The following PTPN13 variants were observed in gnomAD, a reference collection of about 807,000 sequenced individuals.
PTPN13 encodes the protein tyrosine-protein phosphatase non-receptor type 13.
In PTPN13, 191 loss-of-function variants were observed where a neutral mutation model predicts 284.0. The ratio of observed to expected loss-of-function variants is 0.67; its 90% CI spans 0.60 to 0.76. The LOEUF (loss-of-function observed/expected upper bound fraction) is 0.76. PTPN13 is among the 30% of genes least tolerant of loss of function. The pLI is 0.00. For synonymous variants in PTPN13, 986 were observed against 1,022.3 expected (o/e 0.96, Z 0.68); for missense variants, 2,797 against 2,939.9 (o/e 0.95, Z 1.12).
chr4:86,637,734 G>A (rs1450408647), intron 2 of PTPN13, among the ~76,000 whole-genome samples: 1 of 143,432 alleles, frequency 7.0e-6, no homozygotes, highest in East Asian at 2.0e-4. Context: ...TACTGAATGG[G>A]CAAAAACTGG....
intron 8 of PTPN13, 56 bp from the exon 9 acceptor site, chr4:86,716,968 A>T (rs1214049655): frequency 8.1e-7 from 1 of 1,233,630 alleles, no homozygotes; most frequent in Non-Finnish European, 1.2e-6. Context: ...TTTTAAATGA[A>T]ATTACTCTCA....
intron 36 of PTPN13, 37 bp downstream of exon 36, chr4:86,780,509 T>C: frequency 7.3e-7 from 1 of 1,375,506 alleles, no homozygotes; most frequent in Non-Finnish European, 1.0e-6. Context: ...TCTCCTACGG[T>C]AATGGGAATG....
chr4:86,699,737 C>T (rs926619434), intron 6 of PTPN13, among the ~76,000 whole-genome samples: 9 of 152,072 alleles, frequency 5.9e-5, no homozygotes, highest in African/African-American at 2.2e-4. Flanking sequence ...GTTTATGATC[C>T]TTGAATCCTT....
rs181280484 is a variant in PTPN13 at position 86,790,364 on chromosome 4, C to A, written c.6345+4428C>A. 1.0e-3 allele frequency among the ~76,000 whole-genome samples: 152 copies of A among 152,220 alleles called. 1 individual carries two copies. Among genetic ancestry groups the A allele is most frequent in the Middle Eastern group, 6.8e-3 (2 of 294 alleles). On this transcript the variant is annotated intron_variant, in intron 40 of 47. Transcript: ENST00000411767. ...ATTTTTATTAAATGGATGAAATAAC[C>A]TATGTCACAGACATAAGTGTGTGTG...
chr4:86,771,575 T>C, intron 31 of PTPN13, 40 bp downstream of exon 31: 1 of 1,504,804 alleles, frequency 6.6e-7, no homozygotes, highest in South Asian at 1.3e-5. Context: ...AGCAACTGGT[T>C]GTTGTTAGTA....
chr4:86,810,926 T>C, intron 46 of PTPN13, 120 bp from the exon 47 acceptor site: 2 of 835,056 alleles, frequency 2.4e-6, no homozygotes, highest in East Asian at 5.9e-5. Flanking sequence ...TTCCCAAGAC[T>C]ACCAGAAGGG....
intron 1 of PTPN13, among the ~76,000 whole-genome samples, chr4:86,618,295 T>G (rs1392482077): frequency 2.0e-5 from 3 of 152,206 alleles, no homozygotes; most frequent in Non-Finnish European, 4.4e-5. Flanking sequence ...TATCTCTCTT[T>G]TGGTACCAGT....
intron 2 of PTPN13, among the ~76,000 whole-genome samples, chr4:86,667,698 A>G (rs575694856): frequency 3.3e-4 from 50 of 152,324 alleles, no homozygotes; most frequent in African/African-American, 1.1e-3. Flanking sequence ...AGTTTGGAAC[A>G]GCGGCCTCTG....
intron 1 of PTPN13, among the ~76,000 whole-genome samples, chr4:86,598,703 C>T (rs1764040614): frequency 6.6e-6 from 1 of 151,916 alleles, no homozygotes; most frequent in South Asian, 2.1e-4. Flanking sequence ...TTTTTTTCCT[C>T]CTAGTTTAGT....
chr4:86,783,788 AT>A (rs1273746456), intron 37 of PTPN13, among the ~76,000 whole-genome samples: 3 of 151,484 alleles, frequency 2.0e-5, no homozygotes, highest in Non-Finnish European at 3.0e-5. Flanking sequence ...TTATTTTTGC[AT>A]TTTTTTCAAG....
At chr4:86,749,217 A>G (rs1286767263) in intron 17 of PTPN13, among the ~76,000 whole-genome samples, 1 of 152,104 alleles carries the variant, frequency 6.6e-6, no homozygotes, top group Non-Finnish European at 1.5e-5. Context: ...CAAGAATCTA[A>G]GTCAGTAATC....
At chr4:86,602,424 A>G (rs1764373293) in intron 1 of PTPN13, among the ~76,000 whole-genome samples, 1 of 152,204 alleles carries the variant, frequency 6.6e-6, no homozygotes, top group East Asian at 1.9e-4. Context: ...AATACATACT[A>G]TGTGTTTAAT....
chr4:86,738,713 C>T (rs1008132355), intron 15 of PTPN13, among the ~76,000 whole-genome samples: 1 of 152,114 alleles, frequency 6.6e-6, no homozygotes, highest in Non-Finnish European at 1.5e-5. Context: ...AAGAGTCTCA[C>T]TCTGTTGCCC....
chr4:86,757,706 G>A (rs924745237), intron 20 of PTPN13, among the ~76,000 whole-genome samples: 1 of 148,548 alleles, frequency 6.7e-6, no homozygotes, highest in Non-Finnish European at 1.5e-5. Context: ...CAAGGCTACA[G>A]TGAGCTGTGA....
chr4:86,779,820 C>T (rs770370243), intron 35 of PTPN13, among the ~76,000 whole-genome samples: 1 of 152,086 alleles, frequency 6.6e-6, no homozygotes, highest in Non-Finnish European at 1.5e-5. Flanking sequence ...CTGTTTTGTA[C>T]TTTGGGTGGT....
chr4:86,717,211 C>T (rs4263359), intron 9 of PTPN13, 94 bp downstream of exon 9: 138,317 of 754,244 alleles, frequency 0.18, 13,962 homozygotes, highest in East Asian at 0.33. Flanking sequence ...TTTTTTGAGA[C>T]GGAGTCTTGC....
chr4:86,736,288 C>A (rs1407115113), intron 15 of PTPN13, among the ~76,000 whole-genome samples: 2 of 152,080 alleles, frequency 1.3e-5, no homozygotes, highest in African/African-American at 4.8e-5. Flanking sequence ...TTCTATATGA[C>A]CTTAGATAAA....
chr4:86,722,121 T>C (rs1026393332), intron 9 of PTPN13, 91 bp from the exon 10 acceptor site: 13 of 1,073,370 alleles, frequency 1.2e-5, no homozygotes, highest in Admixed American at 6.5e-5. Flanking sequence ...GTTTAAACTC[T>C]TGCAACCTTA....
chr4:86,797,070 A>C (rs1743421953), intron 41 of PTPN13, 141 bp downstream of exon 41: 2 of 642,840 alleles, frequency 3.1e-6, no homozygotes, highest in East Asian at 6.3e-5. Flanking sequence ...AATTTTTAAA[A>C]TTTTCGGGCC....
Sources: allele counts gnomAD v4.1 joint callset (sites outside exome capture counted in the v4.1 genomes callset), GRCh38; gene constraint gnomAD v4.1.1; transcripts MANE v1.5; gene names NCBI Gene and HGNC (gene_info 2026-07-23, HGNC 2026-07-21).